The following RYR2 variants were observed in gnomAD, a reference collection of about 807,000 sequenced individuals.
RYR2 encodes the protein cardiac muscle ryanodine receptor-calcium release channel.
A neutral mutation model predicts 601.1 loss-of-function variants in RYR2; 227 were observed. That is an observed-to-expected ratio of 0.38 (90% confidence interval 0.34 to 0.42). The LOEUF (loss-of-function observed/expected upper bound fraction) is 0.42. RYR2 is among the 10% of genes least tolerant of loss of function. The probability of loss-of-function intolerance (pLI) is 1.00; values close to 1 mark genes in which losing one functional copy is unlikely to be tolerated. For missense variants in RYR2, 4,646 were observed against 6,156.5 expected, an observed-to-expected ratio of 0.75 and a Z score of 8.21; for synonymous variants, 2,223 against 2,175.1, an observed-to-expected ratio of 1.02 and a Z score of -0.61.
intron 34 of RYR2, among the ~76,000 whole-genome samples, chr1:237,595,873 C>T (rs374403110): frequency 3.9e-5 from 6 of 152,122 alleles, no homozygotes; most frequent in African/African-American, 1.4e-4. Context: ...CTCACCCCAA[C>T]AAAGCTGCAC....
chr1:237,049,123 C>T (rs1333416468), intron 1 of RYR2, among the ~76,000 whole-genome samples: 11 of 151,932 alleles, frequency 7.2e-5, no homozygotes. Context: ...GGAGGGGACA[C>T]CCGGAGAAGG....
At chr1:237,812,139 G>A (rs1365163077) in intron 100 of RYR2, among the ~76,000 whole-genome samples, 1 of 152,010 alleles carries the variant, frequency 6.6e-6, no homozygotes, top group East Asian at 2.0e-4. Flanking sequence ...TACAGATGAG[G>A]AAACTGAGCT....
At chr1:237,494,340 G>T (rs902118438) in intron 19 of RYR2, among the ~76,000 whole-genome samples, 2 of 152,170 alleles carry the variant, frequency 1.3e-5, no homozygotes, top group African/African-American at 4.8e-5. Flanking sequence ...TGAAGAACTT[G>T]GGAGTCCAAT....
chr1:237,413,874 T>C (rs12750546), intron 10 of RYR2, among the ~76,000 whole-genome samples: 37,231 of 152,012 alleles, frequency 0.24, 4,765 homozygotes, highest in African/African-American at 0.34. Flanking sequence ...TTAAAAGTGT[T>C]CAAAGTTTAC....
chr1:237,503,556 A>G (rs1356942102), intron 22 of RYR2, 51 bp downstream of exon 22: 12 of 1,570,298 alleles, frequency 7.6e-6, no homozygotes, highest in South Asian at 2.2e-5. Flanking sequence ...TCATGCTGAT[A>G]CACAGTGGCT....
intron 1 of RYR2, among the ~76,000 whole-genome samples, chr1:237,063,959 A>T (rs534543669): frequency 2.6e-5 from 4 of 152,084 alleles, no homozygotes; most frequent in Admixed American, 2.6e-4. Flanking sequence ...TTTTCCTTTA[A>T]AGGTGATATT....
chr1:237,286,060 G>A (rs1172415314), intron 2 of RYR2, among the ~76,000 whole-genome samples: 2 of 151,828 alleles, frequency 1.3e-5, no homozygotes, highest in African/African-American at 2.4e-5. Flanking sequence ...CTTCTGCTGG[G>A]TTTGGGTTTG....
At chr1:237,306,327 C>A (rs935069127) in intron 2 of RYR2, among the ~76,000 whole-genome samples, 3 of 152,102 alleles carry the variant, frequency 2.0e-5, no homozygotes, top group African/African-American at 7.2e-5. Flanking sequence ...TACATGAGTT[C>A]ATGTATTTTT....
chr1:237,216,170 C>T (rs962816969), intron 1 of RYR2, among the ~76,000 whole-genome samples: 6 of 152,088 alleles, frequency 3.9e-5, no homozygotes, highest in African/African-American at 1.4e-4. Flanking sequence ...TTCAACTTAA[C>T]TTTAATTCTA....
intron 93 of RYR2, 150 bp from the exon 94 acceptor site, chr1:237,791,955 T>C: frequency 1.6e-6 from 1 of 630,442 alleles, no homozygotes; most frequent in Non-Finnish European, 2.7e-6. Flanking sequence ...TTTGAAAAGC[T>C]ATCGTTTTTA....
chr1:237,346,442 C>T (rs1053995330), intron 3 of RYR2, among the ~76,000 whole-genome samples: 1 of 147,630 alleles, frequency 6.8e-6, no homozygotes, highest in African/African-American at 2.5e-5. Context: ...ATTACATGAA[C>T]TGTTCCTATT....
rs941434435 is a variant in RYR2, at chr1:237,790,425, C to T, written c.13477-1004C>T. On this transcript the variant is annotated intron_variant, in intron 92 of 104. Coordinates refer to ENST00000366574, the MANE Select transcript of RYR2 (RefSeq NM_001035.3). ...CTGACGTCTTGTACTAACTTTCTAA[C>T]GGGTCCTCTTGCTTTCACTGTTGTT... Among the ~76,000 whole-genome samples the T allele has an allele frequency of 5.3e-5, 8 of 152,124 alleles. No homozygotes were observed. In the East Asian group the frequency reaches 9.7e-4, roughly 18 times the overall value.
intron 2 of RYR2, among the ~76,000 whole-genome samples, chr1:237,307,858 C>T (rs1240228379): frequency 6.6e-6 from 1 of 152,130 alleles, no homozygotes; most frequent in Non-Finnish European, 1.5e-5. Context: ...TATACAATAA[C>T]AACATTGTGC....
intron 1 of RYR2, among the ~76,000 whole-genome samples, chr1:237,065,373 G>A (rs149866362): frequency 0.014 from 2,004 of 142,934 alleles, 46 homozygotes; most frequent in African/African-American, 0.049. Context: ...TCCACCTCCC[G>A]GGTTCAAGCC....
At chr1:237,317,192 A>G (rs912120576) in intron 2 of RYR2, among the ~76,000 whole-genome samples, 3 of 152,212 alleles carry the variant, frequency 2.0e-5, no homozygotes, top group African/African-American at 4.8e-5. Flanking sequence ...GCAAAAAGCA[A>G]AGAATGTTTT....
At chr1:237,123,747 A>G (rs898397324) in intron 1 of RYR2, among the ~76,000 whole-genome samples, 4 of 140,044 alleles carry the variant, frequency 2.9e-5, no homozygotes, top group African/African-American at 5.5e-5. Context: ...GGCTCACTGC[A>G]AGCTCCGCTT....
Position 237,045,429 on chromosome 1 carries a change from TGTCGA to T in RYR2, c.48+2863_48+2867del, listed in dbSNP as rs149119755. ...CATCTCTGTTCCATTTGCTGCTGCT[TGTCGA>T]GTTGGCTCACATTCCTTCCAAATAG... On this transcript the variant is annotated intron_variant, in intron 1 of 104. Transcript: ENST00000366574. Among the ~76,000 whole-genome samples the T allele has an allele frequency of 2.3e-3, 354 of 152,310 alleles. 9 individuals are homozygous for T. The East Asian group carries it at 0.056, about 24-fold the overall frequency.
At chr1:237,376,083 C>G (rs575358337) in intron 7 of RYR2, among the ~76,000 whole-genome samples, 1 of 152,084 alleles carries the variant, frequency 6.6e-6, no homozygotes, top group East Asian at 1.9e-4. Context: ...TTGATGTATC[C>G]CAGCTACTAA....
intron 17 of RYR2, among the ~76,000 whole-genome samples, chr1:237,481,980 G>A (rs1345589021): frequency 6.6e-6 from 1 of 151,992 alleles, no homozygotes; most frequent in South Asian, 2.1e-4. Context: ...TGTTAACCAG[G>A]GGTGCTTTAT....
Sources: allele counts gnomAD v4.1 joint callset (sites outside exome capture counted in the v4.1 genomes callset), GRCh38; gene constraint gnomAD v4.1.1; transcripts MANE v1.5; gene names NCBI Gene and HGNC (gene_info 2026-07-23, HGNC 2026-07-21).